The following AMPD3 variants were observed in gnomAD, a reference collection of about 807,000 sequenced individuals.
AMPD3 encodes the protein adenosine monophosphate deaminase 3.
In AMPD3, 57 loss-of-function variants were observed where a neutral mutation model predicts 82.3. The ratio of observed to expected loss-of-function variants is 0.69; its 90% CI spans 0.56 to 0.86. AMPD3 has a LOEUF of 0.86. Among genes scored for constraint, AMPD3 ranks in the 40% least tolerant of loss-of-function variants. The pLI, the probability that AMPD3 is intolerant of heterozygous loss-of-function variation, is 0.00. For missense variants in AMPD3, 870 were observed against 1,003.8 expected, an observed-to-expected ratio of 0.87 and a Z score of 1.80; for synonymous variants, 381 against 394.7, an observed-to-expected ratio of 0.97 and a Z score of 0.41.
chr11:10,505,611 A>G, intron 14 of AMPD3, 97 bp from the exon 15 acceptor site: 1 of 1,555,086 alleles, frequency 6.4e-7, no homozygotes, highest in East Asian at 2.4e-5. Context: ...CAGGGGGACT[A>G]GTCTGACTTG....
chr11:10,488,518 G>A lies in AMPD3; in HGVS notation c.939+1154G>A, dbSNP rs980325168. On this transcript the variant is annotated intron_variant, in intron 6 of 14. Transcript: ENST00000396553. ...GTGTTGACATAACTGCAAGCAGTGTGGTGTGGTTGGAGCTCAGGCATTGGG... is the reference window on the plus strand; with the variant it reads ...GTGTTGACATAACTGCAAGCAGTGTAGTGTGGTTGGAGCTCAGGCATTGGG... 4.1e-5 allele frequency: 29 copies of A among 712,526 alleles called. No homozygotes were observed. In the African/African-American group the frequency reaches 4.2e-4, roughly 10 times the overall value. The allele number at this position is 712,526 out of a possible 1,614,324, so 44.1% of individuals were successfully genotyped here. A position where few individuals can be genotyped will look rare whatever the true frequency, so the allele number is the denominator to read the frequency against.
intron 1 of AMPD3, chr11:10,455,871 A>G (rs1485532897): frequency 2.0e-6 from 2 of 981,790 alleles, no homozygotes; most frequent in East Asian, 1.1e-4. Context: ...CCTGAGACCA[A>G]TCCCCTTGAT....
At chr11:10,485,158 A>C in intron 5 of AMPD3, 119 bp downstream of exon 5, 1 of 982,426 alleles carries the variant, frequency 1.0e-6, no homozygotes, top group Non-Finnish European at 1.6e-6. Flanking sequence ...TCCCAGAAAG[A>C]GCGCGGTTTC....
rs1202773565 is a variant in AMPD3, at chr11:10,506,726, A to C, written c.*842A>C. On this transcript the variant is annotated 3_prime_UTR_variant, in exon 15 of 15. Transcript: ENST00000396553. This position sits in a 1 kb window ranked among gnomAD's most constrained non-coding sequence, Gnocchi z 4.1. Reference sequence around the variant, plus strand: ...GATGATCTCTGTTCCTTTTGGCTCTAATATGCTACAACTGTAGGCCAATTA... The same window carrying C: ...GATGATCTCTGTTCCTTTTGGCTCTCATATGCTACAACTGTAGGCCAATTA... 1 of 152,278 alleles carries C rather than the reference A, an allele frequency of 6.6e-6. No homozygotes were observed. The highest frequency in any genetic ancestry group is 2.4e-5 in the African/African-American group (1 of 41,452). The allele number at this position is 152,278 out of a possible 1,614,324, so 9.4% of individuals were successfully genotyped here.
intron 2 of AMPD3, among the ~76,000 whole-genome samples, chr11:10,465,825 T>TG (rs1848403306): frequency 6.6e-6 from 1 of 150,682 alleles, no homozygotes; most frequent in African/African-American, 2.4e-5. Flanking sequence ...AGGAGTTTTT[T>TG]TTTTTTTTTT....
At position 10,497,468 on chromosome 11, in the gene AMPD3, G is replaced by A. The variant is rs76097522; in HGVS notation, c.1557+530G>A. 6,855 of 547,872 alleles carry A rather than the reference G, an allele frequency of 0.013. 431 individuals are homozygous for A. The African/African-American group carries it at 0.13, about 10-fold the overall frequency. The allele number at this position is 547,872 out of a possible 1,614,324, so 33.9% of individuals were successfully genotyped here. A position where few individuals can be genotyped will look rare whatever the true frequency, so the allele number is the denominator to read the frequency against. The stretch of plus-strand genomic sequence containing the variant: ...CTTAACCAGGGAGGGAGGCGGAGGG[G>A]GCGGGAGCCGGTCCCACCCTCCGGA... On this transcript the variant is annotated intron_variant, in intron 10 of 14. Transcript: ENST00000396553.
intron 5 of AMPD3, chr11:10,486,486 A>G: frequency 1.1e-6 from 1 of 917,680 alleles, no homozygotes; most frequent in Non-Finnish European, 1.3e-6. Context: ...CCCATCCCCA[A>G]AGGCCTTTGC....
Position 10,485,135 on chromosome 11 carries a change from T to C in AMPD3, c.809+96T>C. Reference sequence around the variant, plus strand: ...CTCACCCCTCTGCCCTGGGGTCCCCTGTACTTAAAGCATCCCAGAAAGAGC... The same window carrying C: ...CTCACCCCTCTGCCCTGGGGTCCCCCGTACTTAAAGCATCCCAGAAAGAGC... On this transcript the variant is annotated intron_variant, in intron 5 of 14. Coordinates refer to ENST00000396553, the MANE Select transcript of AMPD3 (RefSeq NM_001025389.2). The C allele has an allele frequency of 2.5e-6, 3 of 1,189,432 alleles. No homozygotes were observed. The Middle Eastern group carries it at 8.1e-4, about 320-fold the overall frequency. The allele number at this position is 1,189,432 out of a possible 1,614,324, so 73.7% of individuals were successfully genotyped here.
intron 2 of AMPD3, chr11:10,473,717 C>G: frequency 1.6e-6 from 1 of 607,336 alleles, no homozygotes; most frequent in Non-Finnish European, 2.1e-6. Context: ...GCTGGGACCT[C>G]TGGTCTCAAG....
In AMPD3 at chr11:10,456,272, G is replaced by A; in HGVS notation, c.-6+824G>A. 2 of 1,571,324 alleles carry A rather than the reference G, an allele frequency of 1.3e-6. No homozygotes were observed. The highest frequency in any genetic ancestry group is 1.7e-6 in the Non-Finnish European group (2 of 1,156,358). ...TGCAAAACAGAGACCTCCTACTCCA[G>A]CCGGCAGACAGGACCCAGCCAGCTG... On this transcript the variant is annotated intron_variant, in intron 1 of 14. Transcript: ENST00000396553. The surrounding 1 kb of genome is among the most constrained non-coding windows in gnomAD (Gnocchi z 4.3).
chr11:10,501,410 G>A (rs762587974), intron 11 of AMPD3, 60 bp from the exon 12 acceptor site: 2 of 1,600,628 alleles, frequency 1.2e-6, no homozygotes, highest in Non-Finnish European at 1.7e-6. Flanking sequence ...TGTGGCTGCA[G>A]GCCCCAGGCA....
At chr11:10,481,736 C>T (rs1848912732) in intron 3 of AMPD3, 3 of 403,336 alleles carry the variant, frequency 7.4e-6, no homozygotes, top group Non-Finnish European at 1.4e-5. Context: ...CACATTGTGA[C>T]AGCACATGTG....
In AMPD3 at chr11:10,505,058, C is replaced by T. The variant is rs952620794; in HGVS notation, c.2127+399C>T. ...TTATATCCCCGGGCCCTAGATAGTC[C>T]CTGGCACATAGCAGGCGCTCAATAT... On this transcript the variant is annotated intron_variant, in intron 14 of 14. Coordinates refer to ENST00000396553, the MANE Select transcript of AMPD3 (RefSeq NM_001025389.2). The T allele has an allele frequency of 6.3e-6, 6 of 949,504 alleles. No homozygotes were observed. In the Admixed American group the frequency reaches 3.7e-4, roughly 59 times the overall value. The allele number at this position is 949,504 out of a possible 1,614,324, so 58.8% of individuals were successfully genotyped here.
intron 3 of AMPD3, 33 bp from the exon 4 acceptor site, chr11:10,482,030 A>T (rs754603254): frequency 2.4e-5 from 38 of 1,613,904 alleles, no homozygotes; most frequent in Non-Finnish European, 3.1e-5. Context: ...GGCCTGCTGC[A>T]TGAACCCTTT....
chr11:10,478,112 G>C, intron 2 of AMPD3: 11 of 985,442 alleles, frequency 1.1e-5, no homozygotes, highest in Non-Finnish European at 1.2e-5. Flanking sequence ...TGTTGGGACT[G>C]AGAGTTTGTG....
chr11:10,457,149 T>C (rs1848120190), intron 1 of AMPD3, among the ~76,000 whole-genome samples: 1 of 151,790 alleles, frequency 6.6e-6, no homozygotes, highest in Admixed American at 6.6e-5. Context: ...GGCTGTTTTT[T>C]TTTCTATTTT....
rs374841088 is a variant in AMPD3, at chr11:10,485,871, G to A, written c.809+832G>A. Among the ~76,000 whole-genome samples, 3 of 152,072 alleles carry A rather than the reference G, an allele frequency of 2.0e-5. No homozygotes were observed. The East Asian group carries it at 5.8e-4, about 29-fold the overall frequency. ...CCCCTCACTTCTTGGTGGGCACTTA[G>A]GCTGATCAGTAATACCTGGACTCTG... On this transcript the variant is annotated intron_variant, in intron 5 of 14. Coordinates refer to ENST00000396553, the MANE Select transcript of AMPD3 (RefSeq NM_001025389.2).
Position 10,494,894 on chromosome 11 carries a change from CT to C in AMPD3, c.1135-4del. On this transcript the variant is annotated splice_region_variant and splice_polypyrimidine_tract_variant and intron_variant, in intron 7 of 14. Transcript: ENST00000396553. Reference sequence around the variant, plus strand: ...TGCGTTGATTGGTGTGGTCTCCCCCCTCAGGGCCGGCAGACATTCCACCGCT... The same window carrying C: ...TGCGTTGATTGGTGTGGTCTCCCCCCCAGGGCCGGCAGACATTCCACCGCT... 1 of 1,613,840 alleles carries C rather than the reference CT, an allele frequency of 6.2e-7. No homozygotes were observed. Among genetic ancestry groups the C allele is most frequent in the Non-Finnish European group, 8.5e-7 (1 of 1,179,786 alleles).
intron 6 of AMPD3, among the ~76,000 whole-genome samples, chr11:10,490,122 C>T (rs1392380398): frequency 6.6e-6 from 1 of 152,176 alleles, no homozygotes; most frequent in Non-Finnish European, 1.5e-5. Context: ...GAGGCAGGAG[C>T]TGCGACGTGG....
Sources: allele counts gnomAD v4.1 joint callset (sites outside exome capture counted in the v4.1 genomes callset), GRCh38; gene constraint gnomAD v4.1.1; non-coding constraint Gnocchi (gnomAD v3.1); transcripts MANE v1.5; gene names NCBI Gene and HGNC (gene_info 2026-07-23, HGNC 2026-07-21).